SLC1A1: variants seen among roughly 807,000 people sequenced by gnomAD.
The protein encoded by SLC1A1 is excitatory amino acid transporter 3.
SLC1A1 carries 43 observed loss-of-function variants against 53.3 expected under a neutral mutation model. That is an observed-to-expected ratio of 0.81 (90% CI 0.63 to 1.04). The LOEUF (loss-of-function observed/expected upper bound fraction) is 1.04, where lower values mean the gene tolerates loss of function less well. SLC1A1 is among the 50% of genes least tolerant of loss of function. The pLI is 0.00. For synonymous variants in SLC1A1, 307 were observed against 243.2 expected (o/e 1.26, Z -2.44); for missense variants, 748 against 664.9 (o/e 1.12, Z -1.37).
intron 2 of SLC1A1, among the ~76,000 whole-genome samples, chr9:4,555,957 A>G (rs558499858): frequency 7.9e-5 from 12 of 151,794 alleles, no homozygotes; most frequent in Admixed American, 4.6e-4. Flanking sequence ...TAGAAAAGTT[A>G]TATTAAAAAT....
intron 3 of SLC1A1, among the ~76,000 whole-genome samples, chr9:4,562,065 CTTTTTTTT>C (rs745615028): frequency 1.1e-4 from 10 of 94,294 alleles, no homozygotes; most frequent in Non-Finnish European, 1.8e-4. Flanking sequence ...GCCCTAACTA[CTTTTTTTT>C]TTTTTTTTTT....
intron 1 of SLC1A1, among the ~76,000 whole-genome samples, chr9:4,503,125 T>A (rs930405443): frequency 6.6e-6 from 1 of 151,836 alleles, no homozygotes; most frequent in Non-Finnish European, 1.5e-5. Context: ...ACCCTTGATT[T>A]ATATGCATAA....
intron 1 of SLC1A1, among the ~76,000 whole-genome samples, chr9:4,523,031 C>T (rs367727782): frequency 2.0e-5 from 3 of 152,176 alleles, no homozygotes; most frequent in Admixed American, 6.5e-5. Flanking sequence ...CATAAAAATC[C>T]TGAGATAGGT....
intron 2 of SLC1A1, among the ~76,000 whole-genome samples, chr9:4,557,627 A>T (rs1818541127): frequency 1.2e-5 from 1 of 80,174 alleles, no homozygotes; most frequent in African/African-American, 4.0e-5. Context: ...CTCTACAATT[A>T]AAAAAAAAAA....
intron 1 of SLC1A1, among the ~76,000 whole-genome samples, chr9:4,534,481 G>C (rs553687151): frequency 6.6e-6 from 1 of 152,040 alleles, no homozygotes; most frequent in Non-Finnish European, 1.5e-5. Flanking sequence ...ATAAATTCCT[G>C]GACACATACA....
intron 2 of SLC1A1, among the ~76,000 whole-genome samples, chr9:4,547,484 A>C (rs1817586889): frequency 6.6e-6 from 1 of 152,224 alleles, no homozygotes; most frequent in African/African-American, 2.4e-5. Flanking sequence ...TGGCATATCC[A>C]TGTTTTAAAT....
At position 4,561,485 on chromosome 9, in the gene SLC1A1, T is replaced by C. The variant is rs797045967; in HGVS notation, c.269T>C (p.Ile90Thr). 5.0e-6 allele frequency: 8 copies of C among 1,611,178 alleles called. No individual in the cohort carries two copies. Among genetic ancestry groups the C allele is most frequent in the East Asian group, 2.2e-5 (1 of 44,864 alleles). Reference protein sequence around the residue: ...AALDSNVSGKIGLRAVVYYFC... With the variant: ...AALDSNVSGKTGLRAVVYYFC... Reference sequence around the variant, plus strand: ...CTGGATTCCAACGTATCCGGAAAAATTGGTCTGCGCGCTGTCGTGTATTAT... The same window carrying C: ...CTGGATTCCAACGTATCCGGAAAAACTGGTCTGCGCGCTGTCGTGTATTAT... Residue 90 changes from isoleucine to threonine, a missense_variant, in exon 3 of 12, where the codon ATT (isoleucine) becomes ACT (threonine). By Grantham distance (89) the Ile-to-Thr change is moderately conservative (BLOSUM62 -1). Coordinates refer to ENST00000262352, the MANE Select transcript of SLC1A1 (RefSeq NM_004170.6).
At chr9:4,540,136 G>C (rs1405376954) in intron 1 of SLC1A1, among the ~76,000 whole-genome samples, 1 of 152,152 alleles carries the variant, frequency 6.6e-6, no homozygotes, top group Non-Finnish European at 1.5e-5. Flanking sequence ...GAAGCAGCTA[G>C]ACATTGGAGA....
At chr9:4,562,095 G>T (rs1484525433) in intron 3 of SLC1A1, among the ~76,000 whole-genome samples, 3 of 138,598 alleles carry the variant, frequency 2.2e-5, no homozygotes, top group African/African-American at 7.9e-5. Context: ...TTTCAAGAGG[G>T]AGTCTCACTC....
At chr9:4,504,522 A>G (rs547518231) in intron 1 of SLC1A1, among the ~76,000 whole-genome samples, 2 of 152,234 alleles carry the variant, frequency 1.3e-5, no homozygotes, top group African/African-American at 4.8e-5. Flanking sequence ...TTAATTGTCA[A>G]CCAGGAGATG....
At chr9:4,517,106 G>A (rs144502817) in intron 1 of SLC1A1, among the ~76,000 whole-genome samples, 7 of 152,206 alleles carry the variant, frequency 4.6e-5, no homozygotes, top group African/African-American at 7.2e-5. Context: ...ATAAAATAAC[G>A]TATTATAAAA....
chr9:4,521,671 C>T (rs555436093), intron 1 of SLC1A1, among the ~76,000 whole-genome samples: 1 of 152,224 alleles, frequency 6.6e-6, no homozygotes, highest in East Asian at 1.9e-4. Context: ...TTTATAATGG[C>T]TGGCTAGTGT....
intron 1 of SLC1A1, among the ~76,000 whole-genome samples, chr9:4,527,974 G>A (rs1564009243): frequency 6.6e-6 from 1 of 152,076 alleles, no homozygotes; most frequent in East Asian, 1.9e-4. Flanking sequence ...CCCACCTCTT[G>A]TTACTCAGCT....
chr9:4,507,047 T>C (rs1395371024), intron 1 of SLC1A1, among the ~76,000 whole-genome samples: 6 of 151,976 alleles, frequency 3.9e-5, no homozygotes, highest in Non-Finnish European at 7.4e-5. Flanking sequence ...CTGGATAACA[T>C]GGTGAAACCC....
rs950876487 is a variant in SLC1A1 at position 4,556,307 on chromosome 9, A to G, written c.233-5142A>G. On this transcript the variant is annotated intron_variant, in intron 2 of 11. Coordinates refer to ENST00000262352, the MANE Select transcript of SLC1A1 (RefSeq NM_004170.6). This position sits in a 1 kb window ranked among gnomAD's most constrained non-coding sequence, Gnocchi z 4.1. Reference sequence around the variant, plus strand: ...AGTGCTGGGATTACCGGCGTGAGCCACTACGCCCCGCCCCTATCTTTTATT... The same window carrying G: ...AGTGCTGGGATTACCGGCGTGAGCCGCTACGCCCCGCCCCTATCTTTTATT... 2.6e-5 allele frequency among the ~76,000 whole-genome samples: 4 copies of G among 152,338 alleles called. No individual in the cohort carries two copies. The South Asian group carries it at 8.3e-4, about 32-fold the overall frequency.
chr9:4,556,491 T>C lies in SLC1A1; in HGVS notation c.233-4958T>C, dbSNP rs1158766942. 2.0e-5 allele frequency among the ~76,000 whole-genome samples: 3 copies of C among 152,322 alleles called. No homozygotes were observed. Among genetic ancestry groups the C allele is most frequent in the East Asian group, 3.9e-4 (2 of 5,188 alleles). On this transcript the variant is annotated intron_variant, in intron 2 of 11. Transcript: ENST00000262352. The surrounding 1 kb of genome is among the most constrained non-coding windows in gnomAD (Gnocchi z 4.1). ...AACTCCCAGGAGAAACGAGTTCTGA[T>C]AGTGAACTGTAAAGAGAGGGGGTCC...
At chr9:4,576,429 TTTG>T (rs1820551770) in intron 9 of SLC1A1, 137 bp from the exon 10 acceptor site, 1 of 776,948 alleles carries the variant, frequency 1.3e-6, no homozygotes, top group South Asian at 1.5e-5. Context: ...TTCATTTTGT[TTTG>T]TTATTTTCTT....
intron 1 of SLC1A1, among the ~76,000 whole-genome samples, chr9:4,530,688 G>A (rs74810367): frequency 0.022 from 3,353 of 152,176 alleles, 128 homozygotes; most frequent in African/African-American, 0.078. Flanking sequence ...CACCCATGAC[G>A]GAAAACATTT....
intron 3 of SLC1A1, among the ~76,000 whole-genome samples, chr9:4,562,791 C>G (rs1011981496): frequency 3.3e-5 from 5 of 151,902 alleles, no homozygotes; most frequent in African/African-American, 1.2e-4. Context: ...GTATATGTGC[C>G]ACATTTTCTT....
Sources: gnomAD v4.1 joint callset for allele counts (sites outside exome capture counted in the v4.1 genomes callset) on GRCh38, gnomAD v4.1.1 for gene constraint, Gnocchi (gnomAD v3.1) non-coding constraint, MANE v1.5 for transcripts, NCBI Gene and HGNC (gene_info 2026-07-23, HGNC 2026-07-21) for gene names.